Variants in LNP1 observed in about 807,000 individuals in gnomAD.
The protein encoded by LNP1 is leukemia NUP98 fusion partner 1.
In LNP1, 12 loss-of-function variants were observed where a neutral mutation model predicts 14.5. That is an observed-to-expected ratio of 0.83 (90% CI 0.53 to 1.34). The LOEUF is 1.34. Among genes scored for constraint, LNP1 ranks in the 40% most tolerant of loss-of-function variants. The probability of loss-of-function intolerance (pLI) is 0.00; values close to 1 mark genes in which losing one functional copy is unlikely to be tolerated. For missense variants in LNP1, 198 were observed against 210.9 expected, an observed-to-expected ratio of 0.94 and a Z score of 0.38; for synonymous variants, 75 against 71.4, an observed-to-expected ratio of 1.05 and a Z score of -0.26.
At chr3:100,421,223 T>G (rs1576228757) in intron 1 of LNP1, among the ~76,000 whole-genome samples, 3 of 152,346 alleles carry the variant, frequency 2.0e-5, no homozygotes, top group South Asian at 4.1e-4. Context: ...CTCCATTGAA[T>G]TGCTTTTGTA....
At chr3:100,455,053 A>G (rs1260035425) in intron 3 of LNP1, among the ~76,000 whole-genome samples, 1 of 152,180 alleles carries the variant, frequency 6.6e-6, no homozygotes, top group African/African-American at 2.4e-5. Context: ...CCATATAACT[A>G]AAGAAGCAAC....
At chr3:100,446,580 A>G (rs1222496410) in intron 2 of LNP1, among the ~76,000 whole-genome samples, 4 of 148,856 alleles carry the variant, frequency 2.7e-5, no homozygotes, top group Non-Finnish European at 5.9e-5. Flanking sequence ...CAATGGCAAC[A>G]AAAGCCAAAA....
Position 100,418,708 on chromosome 3 carries a change from C to G in LNP1, c.-33-10989C>G, listed in dbSNP as rs184347891. Among the ~76,000 whole-genome samples the G allele has an allele frequency of 5.1e-4, 77 of 152,228 alleles. 1 individual carries two copies. Among genetic ancestry groups the G allele is most frequent in the African/African-American group, 1.7e-3 (70 of 41,522 alleles). ...CATTTGGTTTTAGATCCGCTCTTTT[C>G]TTTATCTCTGTTGTCCCTGTCTATT... On this transcript the variant is annotated intron_variant, in intron 1 of 3. Transcript: ENST00000383693.
At chr3:100,454,696 T>G (rs1707492560) in intron 3 of LNP1, among the ~76,000 whole-genome samples, 1 of 152,210 alleles carries the variant, frequency 6.6e-6, no homozygotes, top group African/African-American at 2.4e-5. Context: ...ATTTCTCAGA[T>G]AGTCTTTAAT....
At chr3:100,441,665 T>C (rs1292140251) in intron 2 of LNP1, among the ~76,000 whole-genome samples, 1 of 151,524 alleles carries the variant, frequency 6.6e-6, no homozygotes, top group East Asian at 1.9e-4. Context: ...AATTTTATTT[T>C]ATTTTTACTT....
At chr3:100,442,251 G>T (rs991428112) in intron 2 of LNP1, among the ~76,000 whole-genome samples, 1 of 152,156 alleles carries the variant, frequency 6.6e-6, no homozygotes, top group Non-Finnish European at 1.5e-5. Context: ...AATTGATTCT[G>T]CTGCCTCACT....
chr3:100,419,302 C>A (rs1707121685), intron 1 of LNP1, among the ~76,000 whole-genome samples: 1 of 151,864 alleles, frequency 6.6e-6, no homozygotes, highest in African/African-American at 2.4e-5. Flanking sequence ...AGTCATTTTT[C>A]TTTTTTACTT....
At chr3:100,444,070 G>T (rs1707367419) in intron 2 of LNP1, among the ~76,000 whole-genome samples, 1 of 152,162 alleles carries the variant, frequency 6.6e-6, no homozygotes, top group Non-Finnish European at 1.5e-5. Context: ...TTCCTGCTCT[G>T]CTTGATAGTC....
intron 2 of LNP1, among the ~76,000 whole-genome samples, chr3:100,446,553 A>G (rs1458288635): frequency 2.0e-5 from 3 of 152,062 alleles, no homozygotes; most frequent in Non-Finnish European, 4.4e-5. Context: ...AGGACTTCAT[A>G]ACTAAAACAC....
chr3:100,429,596 G>A (rs747588381), intron 1 of LNP1, 101 bp from the exon 2 acceptor site: 28 of 745,986 alleles, frequency 3.8e-5, no homozygotes, highest in Admixed American at 1.2e-4. Flanking sequence ...TGCCAGTATC[G>A]GAGACCATTT....
chr3:100,437,656 C>T (rs1158447932), intron 2 of LNP1, among the ~76,000 whole-genome samples: 1 of 152,120 alleles, frequency 6.6e-6, no homozygotes, highest in African/African-American at 2.4e-5. Flanking sequence ...GTCCTCTTGG[C>T]TCTGATGATA....
intron 3 of LNP1, among the ~76,000 whole-genome samples, 192 bp downstream of exon 3, chr3:100,452,141 C>T (rs1308350594): frequency 6.6e-6 from 1 of 151,238 alleles, no homozygotes; most frequent in African/African-American, 2.4e-5. Flanking sequence ...TAATTGAAGA[C>T]ATCTGGTATA....
chr3:100,424,234 T>C (rs1707172163), intron 1 of LNP1, among the ~76,000 whole-genome samples: 1 of 152,208 alleles, frequency 6.6e-6, no homozygotes, highest in Non-Finnish European at 1.5e-5. Flanking sequence ...AGAGTTCCCT[T>C]TCCTTCCAGT....
chr3:100,429,647 G>A, intron 1 of LNP1, 50 bp from the exon 2 acceptor site: 1 of 1,222,498 alleles, frequency 8.2e-7, no homozygotes, highest in Non-Finnish European at 1.2e-6. Context: ...GAGAGATCCT[G>A]GGTTTCATTG....
intron 2 of LNP1, among the ~76,000 whole-genome samples, chr3:100,451,295 G>A (rs1707435777): frequency 6.6e-6 from 1 of 152,202 alleles, no homozygotes; most frequent in African/African-American, 2.4e-5. Flanking sequence ...GTCAACATAT[G>A]CAAAATGAAC....
intron 1 of LNP1, among the ~76,000 whole-genome samples, chr3:100,427,321 A>G (rs186323720): frequency 3.1e-4 from 47 of 152,242 alleles, no homozygotes; most frequent in African/African-American, 1.0e-3. Context: ...ACCCAAAGGC[A>G]TCAGCCAGGC....
At chr3:100,413,529 C>G (rs887178943) in intron 1 of LNP1, among the ~76,000 whole-genome samples, 4 of 152,224 alleles carry the variant, frequency 2.6e-5, no homozygotes, top group African/African-American at 9.6e-5. Context: ...TCTTCCCACT[C>G]ACATGGATTT....
chr3:100,422,966 C>T (rs1252880973), intron 1 of LNP1, among the ~76,000 whole-genome samples: 1 of 151,888 alleles, frequency 6.6e-6, no homozygotes, highest in African/African-American at 2.4e-5. Context: ...TCTTTGATGA[C>T]CACCTCAAAA....
intron 1 of LNP1, among the ~76,000 whole-genome samples, chr3:100,423,313 A>T (rs911274535): frequency 1.3e-5 from 2 of 152,176 alleles, no homozygotes; most frequent in African/African-American, 4.8e-5. Flanking sequence ...AAATAAAAAA[A>T]AATAAGTTAC....
Sources: gnomAD v4.1 joint callset for allele counts (sites outside exome capture counted in the v4.1 genomes callset) on GRCh38, gnomAD v4.1.1 for gene constraint, MANE v1.5 for transcripts, NCBI Gene and HGNC (gene_info 2026-07-23, HGNC 2026-07-21) for gene names.